The following FAM117B variants were observed in gnomAD, a reference collection of about 807,000 sequenced individuals.
FAM117B encodes the protein protein FAM117B.
FAM117B carries 22 observed loss-of-function variants against 52.8 expected under a neutral mutation model. The observed-to-expected ratio is 0.42, with a 90% CI of 0.30 to 0.59. The LOEUF (loss-of-function observed/expected upper bound fraction) is 0.59, where lower values mean the gene tolerates loss of function less well. FAM117B is among the 20% of genes least tolerant of loss of function. The pLI is 0.22. For synonymous variants in FAM117B, 309 were observed against 324.1 expected, an observed-to-expected ratio of 0.95 and a Z score of 0.50; for missense variants, 678 against 802.6, an observed-to-expected ratio of 0.84 and a Z score of 1.88.
At chr2:202,702,597 A>G (rs1015504041) in intron 2 of FAM117B, among the ~76,000 whole-genome samples, 1 of 151,942 alleles carries the variant, frequency 6.6e-6, no homozygotes, top group Non-Finnish European at 1.5e-5. Context: ...TCTGTCGCCC[A>G]GGCTGGAGTG....
At chr2:202,662,832 G>A (rs1690151103) in intron 1 of FAM117B, among the ~76,000 whole-genome samples, 1 of 152,020 alleles carries the variant, frequency 6.6e-6, no homozygotes, top group South Asian at 2.1e-4. Context: ...GATACAGTGA[G>A]ACTCCATCTC....
Position 202,705,220 on chromosome 2 carries a change from C to T in FAM117B, c.753+9188C>T, listed in dbSNP as rs573380452. Among the ~76,000 whole-genome samples the T allele has an allele frequency of 1.4e-3, 217 of 151,830 alleles. 1 individual carries two copies. The highest frequency in any genetic ancestry group is 2.4e-3 in the Non-Finnish European group (160 of 67,940). On this transcript the variant is annotated intron_variant, in intron 2 of 7. Transcript: ENST00000392238. The stretch of plus-strand genomic sequence containing the variant: ...ACTCGGGAAGCTGAGGCAGGAGAAT[C>T]GTTTGTACCTGGGAGGTGGAGGTTG...
At chr2:202,696,632 A>G (rs1036405603) in intron 2 of FAM117B, among the ~76,000 whole-genome samples, 1 of 152,184 alleles carries the variant, frequency 6.6e-6, no homozygotes, top group Non-Finnish European at 1.5e-5. Flanking sequence ...TTTTGTGCCA[A>G]AAAAACCTTC....
intron 4 of FAM117B, among the ~76,000 whole-genome samples, chr2:202,744,310 T>G (rs1691596529): frequency 6.6e-6 from 1 of 152,204 alleles, no homozygotes; most frequent in Non-Finnish European, 1.5e-5. Flanking sequence ...TGTGCAGAGA[T>G]AACATATCAA....
At chr2:202,732,547 G>A (rs192996945) in intron 4 of FAM117B, among the ~76,000 whole-genome samples, 26 of 152,238 alleles carry the variant, frequency 1.7e-4, no homozygotes, top group Non-Finnish European at 1.3e-4. Flanking sequence ...GGCCAGGCAC[G>A]GCGGCTTATG....
At chr2:202,639,778 G>A (rs552167669) in intron 1 of FAM117B, among the ~76,000 whole-genome samples, 5 of 152,250 alleles carry the variant, frequency 3.3e-5, no homozygotes, top group Middle Eastern at 3.4e-3. Flanking sequence ...CAGTATAAAA[G>A]TTAGCTGTTG....
chr2:202,714,624 G>T (rs1471627672), intron 2 of FAM117B, among the ~76,000 whole-genome samples: 6 of 148,228 alleles, frequency 4.0e-5, no homozygotes, highest in Admixed American at 2.0e-4. Flanking sequence ...GGGAAGGTCA[G>T]CAGATAAACA....
At chr2:202,750,055 G>A (rs566687618) in intron 4 of FAM117B, among the ~76,000 whole-genome samples, 51 of 152,298 alleles carry the variant, frequency 3.3e-4, no homozygotes, top group Admixed American at 6.5e-4. Flanking sequence ...CAAGATCAAG[G>A]TGCCAGCAGG....
chr2:202,663,814 C>T (rs1690165136), intron 1 of FAM117B, among the ~76,000 whole-genome samples: 1 of 152,162 alleles, frequency 6.6e-6, no homozygotes, highest in African/African-American at 2.4e-5. Context: ...AAACTCCTGA[C>T]CTCTGGTGAT....
intron 1 of FAM117B, among the ~76,000 whole-genome samples, chr2:202,677,312 C>T (rs1200235513): frequency 4.6e-5 from 7 of 151,984 alleles, no homozygotes; most frequent in Non-Finnish European, 7.4e-5. Flanking sequence ...GTGATCCGCC[C>T]GCCTCGGCCT....
chr2:202,663,291 T>A (rs1462554653), intron 1 of FAM117B, among the ~76,000 whole-genome samples: 2 of 152,246 alleles, frequency 1.3e-5, no homozygotes, highest in Non-Finnish European at 2.9e-5. Context: ...ATTGAACTTT[T>A]GAATTCTGAC....
At position 202,635,241 on chromosome 2, in the gene FAM117B, G is replaced by A; in HGVS notation, c.54G>A (p.Gly18=). The A allele has an allele frequency of 7.4e-7, 1 of 1,342,476 alleles. No individual in the cohort carries two copies. Among genetic ancestry groups the A allele is most frequent in the Non-Finnish European group, 9.6e-7 (1 of 1,044,662 alleles). The allele number at this position is 1,342,476 out of a possible 1,614,324, so 83.2% of individuals were successfully genotyped here. A position where few individuals can be genotyped will look rare whatever the true frequency, so the allele number is the denominator to read the frequency against. Residue 18 remains glycine (G), a synonymous_variant, in exon 1 of 8, where the codon GGG becomes GGA. Coordinates refer to ENST00000392238, the MANE Select transcript of FAM117B (RefSeq NM_173511.4). ...NGSPTPAGSL[G]GGAVATAGGP... ...CCCCCACGCCGGCCGGCTCCCTTGG[G>A]GGTGGTGCGGTGGCCACGGCCGGGG...
At chr2:202,651,192 G>A (rs1228697367) in intron 1 of FAM117B, among the ~76,000 whole-genome samples, 2 of 151,382 alleles carry the variant, frequency 1.3e-5, no homozygotes, top group African/African-American at 4.9e-5. Context: ...CTCCAGAGTA[G>A]ATGGGATTAC....
chr2:202,768,606 C>A lies in FAM117B; in HGVS notation c.*2842C>A, dbSNP rs1692023068. The A allele has an allele frequency of 6.6e-6, 1 of 152,280 alleles. No individual in the cohort carries two copies. Among genetic ancestry groups the A allele is most frequent in the African/African-American group, 2.4e-5 (1 of 41,342 alleles). 9.4% of individuals were successfully genotyped at this position (152,280 alleles called of 1,614,324 possible). On this transcript the variant is annotated 3_prime_UTR_variant, in exon 8 of 8. Coordinates refer to ENST00000392238, the MANE Select transcript of FAM117B (RefSeq NM_173511.4). ...CAGCTGTTTTATTTAACCCTTAGTT[C>A]CCTGGTGGTTGATTTTTTTTTTAAA...
intron 7 of FAM117B, among the ~76,000 whole-genome samples, chr2:202,762,326 AAAAAGGAC>A (rs1341954596): frequency 6.6e-6 from 1 of 152,184 alleles, no homozygotes; most frequent in Non-Finnish European, 1.5e-5. Context: ...ATTTGGGCCC[AAAAAGGAC>A]AAAACCAGAT....
chr2:202,759,523 C>T (rs1011320681), intron 7 of FAM117B, among the ~76,000 whole-genome samples, 170 bp downstream of exon 7: 4 of 151,636 alleles, frequency 2.6e-5, no homozygotes, highest in African/African-American at 9.7e-5. Flanking sequence ...TCCCAAGTAG[C>T]TGGGAATACA....
chr2:202,635,300 C>T lies in FAM117B; in HGVS notation c.113C>T (p.Thr38Met). The T allele has an allele frequency of 7.0e-7, 1 of 1,421,248 alleles. No individual in the cohort carries two copies. Among genetic ancestry groups the T allele is most frequent in the Non-Finnish European group, 9.2e-7 (1 of 1,085,400 alleles). 88.0% of individuals were successfully genotyped at this position (1,421,248 alleles called of 1,614,324 possible). A position where few individuals can be genotyped will look rare whatever the true frequency, so the allele number is the denominator to read the frequency against. The change falls in exon 1 of 8, where the codon ACG becomes ATG. Residue 38 changes from threonine to methionine, a missense_variant. Around this residue, in one of 3 missense-constraint regions of FAM117B, gnomAD observed 583 missense variants for 644.8 expected, o/e 0.90. Transcript: ENST00000392238. ...PGSRLQPMRATVPFQLKQQQQ... is the reference protein window; with the variant it reads ...PGSRLQPMRAMVPFQLKQQQQ... ...AGCCGCTTGCAGCCCATGAGGGCGA[C>T]GGTTCCGTTCCAGCTGAAGCAGCAG...
intron 3 of FAM117B, 49 bp from the exon 4 acceptor site, chr2:202,726,201 G>A (rs772060239): frequency 1.5e-6 from 2 of 1,302,586 alleles, no homozygotes. Flanking sequence ...ATGTGTTTTT[G>A]TTTCATGTAG....
rs1358404767 is a variant in FAM117B at position 202,740,173 on chromosome 2, C to CAAAAAAAAAAAAAAAA, written c.960+13810_960+13811insAAAAAAAAAAAAAAAA. ...GGAGGACAGAGCGAGACTTCATCCC[C>CAAAAAAAAAAAAAAAA]CAAAAAAAAAAAAAAAAAAAAAAAA... On this transcript the variant is annotated intron_variant, in intron 4 of 7. Transcript: ENST00000392238. Among the ~76,000 whole-genome samples, 10 of 69,686 alleles carry CAAAAAAAAAAAAAAAA rather than the reference C, an allele frequency of 1.4e-4. 4 individuals carry two copies. The highest frequency in any genetic ancestry group is 2.9e-4 in the African/African-American group (5 of 17,470). The allele number at this position is 69,686 out of a possible 152,430, so 45.7% of individuals were successfully genotyped here. A position where few individuals can be genotyped will look rare whatever the true frequency, so the allele number is the denominator to read the frequency against.
Sources: gnomAD v4.1 joint callset for allele counts (sites outside exome capture counted in the v4.1 genomes callset) on GRCh38, gnomAD v4.1.1 for gene constraint, gnomAD v4.1.1 regional missense constraint, MANE v1.5 for transcripts, NCBI Gene and HGNC (gene_info 2026-07-23, HGNC 2026-07-21) for gene names.